EPB41L4A: variants seen among roughly 807,000 people sequenced by gnomAD.
EPB41L4A encodes the protein erythrocyte membrane protein band 4.1 like 4A.
Under a neutral mutation model 108.6 loss-of-function variants are expected in EPB41L4A, and 100 were observed. The observed-to-expected ratio is 0.92, with a 90% CI of 0.78 to 1.09. The LOEUF (loss-of-function observed/expected upper bound fraction) is 1.09. EPB41L4A is among the 50% of genes least tolerant of loss of function. The probability of loss-of-function intolerance (pLI) is 0.00; values close to 1 mark genes in which losing one functional copy is unlikely to be tolerated. For synonymous variants in EPB41L4A, 319 were observed against 289.0 expected (o/e 1.10, Z -1.05); for missense variants, 1,030 against 842.7 (o/e 1.22, Z -2.75).
chr5:112,277,272 A>G (rs370376801), intron 3 of EPB41L4A, among the ~76,000 whole-genome samples: 3 of 152,160 alleles, frequency 2.0e-5, no homozygotes, highest in Non-Finnish European at 4.4e-5. Context: ...AGCTGCTTCT[A>G]TTCTTTGGAA....
chr5:112,160,658 T>A (rs1759830693), downstream of EPB41L4A: 1 of 153,656 alleles, frequency 6.5e-6, no homozygotes, highest in Admixed American at 6.5e-5. Flanking sequence ...TGGCCACACA[T>A]CCGCAGAGGT....
At chr5:112,179,008 T>A (rs943861165) in intron 18 of EPB41L4A, among the ~76,000 whole-genome samples, 2 of 151,690 alleles carry the variant, frequency 1.3e-5, no homozygotes, top group Non-Finnish European at 2.9e-5. Context: ...ATCACCAACA[T>A]CAGGAATTAA....
chr5:112,288,078 G>A (rs1307923617), intron 2 of EPB41L4A, among the ~76,000 whole-genome samples: 1 of 152,190 alleles, frequency 6.6e-6, no homozygotes, highest in Non-Finnish European at 1.5e-5. Context: ...AATCCAGCAT[G>A]CTGTCAGGTA....
chr5:112,307,932 A>G (rs1754801708), intron 1 of EPB41L4A, among the ~76,000 whole-genome samples: 2 of 152,172 alleles, frequency 1.3e-5, no homozygotes, highest in African/African-American at 4.8e-5. Context: ...TAAAACTAAC[A>G]ATAGTCAAAG....
chr5:112,245,216 A>G (rs779939813), intron 9 of EPB41L4A, among the ~76,000 whole-genome samples: 1 of 152,232 alleles, frequency 6.6e-6, no homozygotes, highest in Non-Finnish European at 1.5e-5. Context: ...TGCTAACACA[A>G]TAAACCACAA....
At chr5:112,408,961 A>G (rs1440897640) in intron 1 of EPB41L4A, among the ~76,000 whole-genome samples, 1 of 152,094 alleles carries the variant, frequency 6.6e-6, no homozygotes, top group Non-Finnish European at 1.5e-5. Context: ...ACTCTTAGGT[A>G]TATACACAAG....
chr5:112,223,263 C>T (rs1413084678), intron 12 of EPB41L4A, among the ~76,000 whole-genome samples: 1 of 151,980 alleles, frequency 6.6e-6, no homozygotes, highest in African/African-American at 2.4e-5. Flanking sequence ...TTCTTCTTTA[C>T]CTCACCTATC....
chr5:112,344,735 C>T (rs928013950), intron 1 of EPB41L4A, among the ~76,000 whole-genome samples: 2 of 152,214 alleles, frequency 1.3e-5, no homozygotes, highest in African/African-American at 2.4e-5. Flanking sequence ...GCTGCCCTCC[C>T]GAGGTGCTGC....
intron 12 of EPB41L4A, among the ~76,000 whole-genome samples, chr5:112,219,675 T>C (rs1747907212): frequency 6.6e-6 from 1 of 152,134 alleles, no homozygotes; most frequent in African/African-American, 2.4e-5. Context: ...AATTATTAAA[T>C]ATAAAAAGTA....
At chr5:112,230,571 T>A (rs1186539349) in intron 12 of EPB41L4A, among the ~76,000 whole-genome samples, 1 of 152,150 alleles carries the variant, frequency 6.6e-6, no homozygotes, top group Non-Finnish European at 1.5e-5. Context: ...CACTTTTTGA[T>A]GGGTTATTCA....
chr5:112,358,488 A>T (rs1758506288), intron 1 of EPB41L4A, among the ~76,000 whole-genome samples: 1 of 152,210 alleles, frequency 6.6e-6, no homozygotes, highest in South Asian at 2.1e-4. Context: ...GGAAATCTAG[A>T]ATCCCCTTGC....
intron 1 of EPB41L4A, among the ~76,000 whole-genome samples, chr5:112,370,374 T>A (rs1010311936): frequency 2.6e-5 from 4 of 152,088 alleles, no homozygotes; most frequent in African/African-American, 7.2e-5. Flanking sequence ...GTATTCTATA[T>A]CTTTCTTGAA....
chr5:112,293,505 T>C (rs1467929320), intron 2 of EPB41L4A, among the ~76,000 whole-genome samples: 2 of 152,098 alleles, frequency 1.3e-5, no homozygotes, highest in African/African-American at 2.4e-5. Flanking sequence ...ACATGACCCA[T>C]GGAAGAAACA....
In EPB41L4A at chr5:112,204,388, G is replaced by A; in HGVS notation, c.1363C>T (p.Pro455Ser). The A allele has an allele frequency of 6.2e-7, 1 of 1,611,924 alleles. No individual in the cohort carries two copies. The highest frequency in any genetic ancestry group is 8.5e-7 in the Non-Finnish European group (1 of 1,178,108). Reference protein sequence around the residue: ...SCGSDNDSVQPVRRRKAHNSG... With the variant: ...SCGSDNDSVQSVRRRKAHNSG... ...TGTTCCGCTTACCTCCTCCTCACAG[G>A]CTGTACAGAATCATTGTCACTTCCA... is the stretch of plus-strand genomic sequence containing the variant. The change falls in exon 15 of 23, where the codon CCT becomes TCT. Residue 455 changes from proline to serine, a missense_variant. Pro to Ser is a moderately conservative substitution (Grantham distance 74). Transcript: ENST00000261486.
chr5:112,398,521 T>A (rs1761523375), intron 1 of EPB41L4A, among the ~76,000 whole-genome samples: 1 of 152,198 alleles, frequency 6.6e-6, no homozygotes, highest in South Asian at 2.1e-4. Context: ...TCCGAGTAGC[T>A]GGGACTACAG....
chr5:112,383,309 C>A (rs371348301), intron 1 of EPB41L4A, among the ~76,000 whole-genome samples: 1 of 151,994 alleles, frequency 6.6e-6, no homozygotes, highest in South Asian at 2.1e-4. Flanking sequence ...TATAAACTAG[C>A]AATAAACTGT....
At chr5:112,292,091 T>C (rs1753679745) in intron 2 of EPB41L4A, among the ~76,000 whole-genome samples, 1 of 152,224 alleles carries the variant, frequency 6.6e-6, no homozygotes, top group Non-Finnish European at 1.5e-5. Flanking sequence ...TACCTGATAT[T>C]TGAGTATCTT....
intron 2 of EPB41L4A, among the ~76,000 whole-genome samples, chr5:112,288,792 G>T (rs1003754138): frequency 6.6e-6 from 1 of 151,858 alleles, no homozygotes; most frequent in Non-Finnish European, 1.5e-5. Context: ...AAACTTCAGG[G>T]AAAATGTTCG....
chr5:112,304,502 T>C (rs1239844924), intron 2 of EPB41L4A, among the ~76,000 whole-genome samples: 1 of 152,230 alleles, frequency 6.6e-6, no homozygotes, highest in Non-Finnish European at 1.5e-5. Context: ...GCGCTTTCCC[T>C]TTCAAAACTA....
Sources: gnomAD v4.1 joint callset for allele counts (sites outside exome capture counted in the v4.1 genomes callset) on GRCh38, gnomAD v4.1.1 for gene constraint, MANE v1.5 for transcripts, NCBI Gene and HGNC (gene_info 2026-07-23, HGNC 2026-07-21) for gene names.